The following URI1 variants were observed in gnomAD, a reference collection of about 807,000 sequenced individuals.
URI1 encodes the protein URI1 prefoldin like chaperone.
Under a neutral mutation model 60.2 loss-of-function variants are expected in URI1, and 39 were observed. That is an observed-to-expected ratio of 0.65 (90% CI 0.50 to 0.85). The LOEUF (loss-of-function observed/expected upper bound fraction) is 0.85. Among genes scored for constraint, URI1 ranks in the 40% least tolerant of loss-of-function variants. The pLI is 0.00. For synonymous variants in URI1, 251 were observed against 236.8 expected (o/e 1.06, Z -0.55); for missense variants, 691 against 665.9 (o/e 1.04, Z -0.42).
At chr19:30,010,962 C>G (rs944826226) in intron 8 of URI1, 132 bp from the exon 9 acceptor site, 3 of 950,880 alleles carry the variant, frequency 3.2e-6, no homozygotes, top group Middle Eastern at 3.5e-4. Flanking sequence ...TGATAATGCA[C>G]ATCATTTCAG....
Position 30,015,106 on chromosome 19 carries a change from C to G in URI1, c.*37C>G, listed in dbSNP as rs766301455. The G allele has an allele frequency of 4.4e-6, 7 of 1,594,780 alleles. No individual in the cohort carries two copies. Among genetic ancestry groups the G allele is most frequent in the Non-Finnish European group, 5.1e-6 (6 of 1,172,064 alleles). On this transcript the variant is annotated 3_prime_UTR_variant, in exon 11 of 11. Coordinates refer to ENST00000392271, the MANE Select transcript of URI1 (RefSeq NM_003796.3). ...GAAATGGGAATTTACATCCTAAAAC[C>G]TAGTTGTTCATTTGTTTAGAGTATC...
chr19:29,939,638 G>A (rs2055004425), upstream of URI1, among the ~76,000 whole-genome samples: 1 of 152,212 alleles, frequency 6.6e-6, no homozygotes, highest in Non-Finnish European at 1.5e-5. Context: ...GGTGAGGGCA[G>A]ATGCCTAGAG....
In URI1 at chr19:30,015,247, CT is replaced by C; in HGVS notation, c.*181del. 1 of 1,415,410 alleles carries C rather than the reference CT, an allele frequency of 7.1e-7. No homozygotes were observed. The highest frequency in any genetic ancestry group is 3.0e-5 in the Admixed American group (1 of 33,778). The allele number at this position is 1,415,410 out of a possible 1,614,324, so 87.7% of individuals were successfully genotyped here. A position where few individuals can be genotyped will look rare whatever the true frequency, so the allele number is the denominator to read the frequency against. On this transcript the variant is annotated 3_prime_UTR_variant, in exon 11 of 11. Transcript: ENST00000392271. ...AAAAATCAAGGTAACTGTCTGAATA[CT>C]TTAATATCAGCTTGTTTTGTGAATT...
chr19:30,000,136 T>C (rs927647291), intron 4 of URI1, among the ~76,000 whole-genome samples: 3 of 152,022 alleles, frequency 2.0e-5, no homozygotes, highest in African/African-American at 7.2e-5. Flanking sequence ...TTAGATATTA[T>C]GTAATTCCAT....
Position 29,986,378 on chromosome 19 carries a change from G to GC in URI1, c.329dup (p.Gln112AlafsTer7). ...GGACAACTGGTTTGCAAAGTGCTCA[G>GC]CAAAGCAGGCTGTAGGTTTAGTTGA... is the stretch of plus-strand genomic sequence containing the variant. On this transcript the variant is annotated frameshift_variant, in exon 4 of 11. Transcript: ENST00000392271. LOFTEE classifies it high-confidence loss of function. The GC allele has an allele frequency of 6.2e-7, 1 of 1,609,836 alleles. No homozygotes were observed. The highest frequency in any genetic ancestry group is 8.5e-7 in the Non-Finnish European group (1 of 1,179,248).
intron 1 of URI1, chr19:29,956,655 A>G: frequency 6.5e-7 from 1 of 1,533,456 alleles, no homozygotes. Flanking sequence ...TTCGGATTTC[A>G]ACAAGAGACC....
chr19:29,924,310 T>C (rs1367468198), intron 1 of URI1, among the ~76,000 whole-genome samples: 1 of 152,084 alleles, frequency 6.6e-6, no homozygotes, highest in African/African-American at 2.4e-5. Context: ...ACACCACACT[T>C]TCACAAACAC....
intron 10 of URI1, 125 bp downstream of exon 10, chr19:30,012,656 TAAAA>T: frequency 2.5e-6 from 3 of 1,197,330 alleles, no homozygotes; most frequent in Non-Finnish European, 2.3e-6. Flanking sequence ...TACTAATTAA[TAAAA>T]AATTAATAGT....
intron 1 of URI1, among the ~76,000 whole-genome samples, chr19:29,963,530 CATT>C (rs765378939): frequency 2.4e-4 from 37 of 152,002 alleles, no homozygotes; most frequent in Admixed American, 2.2e-3. Flanking sequence ...ACATATTAAT[CATT>C]ATGTTTGTTA....
rs758579896 is a variant in URI1, at chr19:30,011,218, C to A, written c.1160C>A (p.Thr387Lys). ...HSAQELPTIR[T>K]PADIYRAFVD... is the part of the protein sequence containing the mutation. ...GCCCAGGAGCTGCCGACCATCAGGA[C>A]GCCTGCAGACATTTACAGGTGGGAG... is the stretch of plus-strand genomic sequence containing the variant. The change falls in exon 9 of 11, where the codon ACG becomes AAG. Residue 387 changes from threonine to lysine, a missense_variant. By Grantham distance (78) the Thr-to-Lys change is moderately conservative. Transcript: ENST00000392271. 3.1e-6 allele frequency: 5 copies of A among 1,609,074 alleles called. No individual in the cohort carries two copies. In the Admixed American group the frequency reaches 6.8e-5, roughly 22 times the overall value.
At position 29,987,693 on chromosome 19, in the gene URI1, T is replaced by C. The variant is rs548892492; in HGVS notation, c.367+1276T>C. 6.6e-5 allele frequency among the ~76,000 whole-genome samples: 10 copies of C among 152,286 alleles called. No individual in the cohort carries two copies. In the East Asian group the frequency reaches 7.7e-4, roughly 12 times the overall value. On this transcript the variant is annotated intron_variant, in intron 4 of 10. Coordinates refer to ENST00000392271, the MANE Select transcript of URI1 (RefSeq NM_003796.3). ...TGAAAAAAATCTTTATAATTAGTTA[T>C]AACTTAAAATATTAATGGGAATACT...
At chr19:29,943,912 T>C (rs1360734604) in intron 1 of URI1, among the ~76,000 whole-genome samples, 3 of 151,514 alleles carry the variant, frequency 2.0e-5, no homozygotes, top group Non-Finnish European at 4.4e-5. Flanking sequence ...GGTCGTGGAA[T>C]TGCTTGAAGC....
Position 29,942,674 on chromosome 19 carries a change from A to T in URI1, c.117+10A>T. The T allele has an allele frequency of 7.2e-7, 1 of 1,380,970 alleles. No individual in the cohort carries two copies. Among genetic ancestry groups the T allele is most frequent in the Non-Finnish European group, 9.4e-7 (1 of 1,068,134 alleles). 85.5% of individuals were successfully genotyped at this position (1,380,970 alleles called of 1,614,324 possible). A position where few individuals can be genotyped will look rare whatever the true frequency, so the allele number is the denominator to read the frequency against. On this transcript the variant is annotated intron_variant, in intron 1 of 10. Transcript: ENST00000392271. ...CGAGGAGCAGGAAAAGGTAACTAGCAGCCCCGCGCCGCTTCCGCCTCCGCC... is the reference window on the plus strand; with the variant it reads ...CGAGGAGCAGGAAAAGGTAACTAGCTGCCCCGCGCCGCTTCCGCCTCCGCC...
chr19:29,997,127 G>T, intron 4 of URI1, among the ~76,000 whole-genome samples: 1 of 152,140 alleles, frequency 6.6e-6, no homozygotes, highest in Non-Finnish European at 1.5e-5. Context: ...TTGTTTAGAA[G>T]AGTTTGAGAG....
chr19:29,954,511 C>CTTTTTT (rs11411965), intron 1 of URI1, among the ~76,000 whole-genome samples: 2 of 115,920 alleles, frequency 1.7e-5, no homozygotes, highest in African/African-American at 3.4e-5. Context: ...TACAGATAAA[C>CTTTTTT]TTTTTTTTTT....
intron 2 of URI1, chr19:29,980,209 A>T (rs554460133): frequency 1.7e-4 from 26 of 152,200 alleles, no homozygotes; most frequent in African/African-American, 6.3e-4. Flanking sequence ...ACAAAGATGC[A>T]TTGCAAAACA....
intron 1 of URI1, among the ~76,000 whole-genome samples, chr19:29,962,293 A>G (rs967450702): frequency 1.4e-5 from 2 of 145,584 alleles, no homozygotes; most frequent in Non-Finnish European, 3.0e-5. Context: ...TGGATCAAAC[A>G]TTTTGTATTG....
At chr19:29,952,271 G>T (rs2055189405) in intron 1 of URI1, among the ~76,000 whole-genome samples, 1 of 152,174 alleles carries the variant, frequency 6.6e-6, no homozygotes, top group African/African-American at 2.4e-5. Context: ...GATGCACAAA[G>T]ATTATAAGAG....
In URI1 at chr19:29,970,128, A is replaced by ATTTTTTT. The variant is rs199739403; in HGVS notation, c.118-1043_118-1037dup. ...GACAGGTCTAAAAAAAATCGTGTGT[A>ATTTTTTT]TTTTTTTTTTTTTTTTTTTTTTTTT... On this transcript the variant is annotated intron_variant, in intron 1 of 10. Transcript: ENST00000392271. 8.1e-4 allele frequency among the ~76,000 whole-genome samples: 60 copies of ATTTTTTT among 74,532 alleles called. 1 individual carries two copies. The highest frequency in any genetic ancestry group is 2.5e-3 in the African/African-American group (52 of 20,858). The allele number at this position is 74,532 out of a possible 152,430, so 48.9% of individuals were successfully genotyped here. A position where few individuals can be genotyped will look rare whatever the true frequency, so the allele number is the denominator to read the frequency against.
Sources: gnomAD v4.1 joint callset for allele counts (sites outside exome capture counted in the v4.1 genomes callset) on GRCh38, gnomAD v4.1.1 for gene constraint, MANE v1.5 for transcripts, NCBI Gene and HGNC (gene_info 2026-07-23, HGNC 2026-07-21) for gene names.